SNX30: variants seen among roughly 807,000 people sequenced by gnomAD.
The protein encoded by SNX30 is sorting nexin family member 30.
In SNX30, 24 loss-of-function variants were observed where a neutral mutation model predicts 46.4. The observed-to-expected ratio is 0.52, with a 90% CI of 0.37 to 0.73. SNX30 has a LOEUF of 0.73. Among genes scored for constraint, SNX30 ranks in the 30% least tolerant of loss-of-function variants. The pLI is 0.00. For missense variants in SNX30, 533 were observed against 555.7 expected (o/e 0.96, Z 0.41); for synonymous variants, 189 against 211.5 (o/e 0.89, Z 0.92).
intron 3 of SNX30, 43 bp from the exon 4 acceptor site, chr9:112,830,682 C>T (rs757414370): frequency 6.4e-7 from 1 of 1,573,954 alleles, no homozygotes. Flanking sequence ...TTCCTTGCAC[C>T]ATCTCATCAA....
At chr9:112,755,678 A>T (rs1205244381) in intron 1 of SNX30, among the ~76,000 whole-genome samples, 1 of 151,712 alleles carries the variant, frequency 6.6e-6, no homozygotes, top group South Asian at 2.1e-4. Context: ...AGAGGAAAAT[A>T]AAAATCTACT....
At chr9:112,867,030 CCCACCTCCTCAGAATTCTTT>C (rs1179694682) in intron 8 of SNX30, among the ~76,000 whole-genome samples, 2 of 15,470 alleles carry the variant, frequency 1.3e-4, no homozygotes, top group Non-Finnish European at 2.8e-4. Context: ...CAGAATTCCT[CCCACCTCCTCAGAATTCTTT>C]CTCCCTCCTC....
chr9:112,863,297 T>C (rs551046659), intron 7 of SNX30, among the ~76,000 whole-genome samples: 1 of 152,324 alleles, frequency 6.6e-6, no homozygotes, highest in East Asian at 1.9e-4. Context: ...AGGCCTCACT[T>C]GTGGTTGGGA....
chr9:112,877,021 T>C (rs1841526508), downstream of SNX30: 1 of 151,872 alleles, frequency 6.6e-6, no homozygotes, highest in Admixed American at 6.5e-5. Context: ...GAATGGTGAT[T>C]CTTAAATGAG....
chr9:112,841,414 A>G (rs1840856346), intron 6 of SNX30, among the ~76,000 whole-genome samples: 1 of 152,196 alleles, frequency 6.6e-6, no homozygotes, highest in African/African-American at 2.4e-5. Flanking sequence ...TGTGGGGCAT[A>G]TGTATGGAGT....
intron 6 of SNX30, among the ~76,000 whole-genome samples, chr9:112,840,929 C>T (rs1840847050): frequency 6.6e-6 from 1 of 151,858 alleles, no homozygotes; most frequent in Non-Finnish European, 1.5e-5. Flanking sequence ...ACAGGTGCCC[C>T]CCACCACGCC....
chr9:112,817,360 G>A (rs1056900988), intron 2 of SNX30, among the ~76,000 whole-genome samples: 28 of 96,898 alleles, frequency 2.9e-4, no homozygotes, highest in Non-Finnish European at 5.2e-4. Context: ...GGGGATAGTT[G>A]AATTCTATTT....
At chr9:112,817,350 G>A (rs927060679) in intron 2 of SNX30, among the ~76,000 whole-genome samples, 2 of 141,960 alleles carry the variant, frequency 1.4e-5, no homozygotes, top group African/African-American at 5.3e-5. Flanking sequence ...AACAATTCTG[G>A]GGGATAGTTG....
intron 5 of SNX30, among the ~76,000 whole-genome samples, chr9:112,837,002 G>T (rs549438130): frequency 6.6e-6 from 1 of 152,194 alleles, no homozygotes; most frequent in Admixed American, 6.5e-5. Context: ...CATAATGTTG[G>T]GATCTTTTAT....
intron 2 of SNX30, among the ~76,000 whole-genome samples, chr9:112,817,073 A>C (rs1840408002): frequency 6.6e-6 from 1 of 152,190 alleles, no homozygotes; most frequent in Non-Finnish European, 1.5e-5. Flanking sequence ...AAAATATAAC[A>C]GTTCCAGGGT....
intron 8 of SNX30, among the ~76,000 whole-genome samples, chr9:112,865,623 CCATATATA>C (rs1841312850): frequency 2.2e-5 from 1 of 45,256 alleles, no homozygotes. Flanking sequence ...TCCTGTCACG[CCATATATA>C]TATATATATA....
In SNX30 at chr9:112,865,775, G is replaced by GTATGTA. The variant is rs748088016; in HGVS notation, c.1254+1379_1254+1380insGTATAT. Among the ~76,000 whole-genome samples the GTATGTA allele has an allele frequency of 2.1e-3, 296 of 143,798 alleles. 2 individuals carry two copies. Among genetic ancestry groups the GTATGTA allele is most frequent in the African/African-American group, 7.3e-3 (280 of 38,524 alleles). The allele number at this position is 143,798 out of a possible 152,430, so 94.3% of individuals were successfully genotyped here. ...TGTGTGTGTGTATGTATGTATGTAT[G>GTATGTA]TATATATATATATATATTGCGATAG... On this transcript the variant is annotated intron_variant, in intron 8 of 8. Coordinates refer to ENST00000374232, the MANE Select transcript of SNX30 (RefSeq NM_001012994.2).
chr9:112,846,361 G>A (rs987995939), intron 6 of SNX30, among the ~76,000 whole-genome samples: 3 of 152,136 alleles, frequency 2.0e-5, no homozygotes, highest in African/African-American at 4.8e-5. Context: ...TAAAATGAGG[G>A]GATAATGTGT....
intron 6 of SNX30, among the ~76,000 whole-genome samples, chr9:112,845,447 A>G (rs2131471273): frequency 6.6e-6 from 1 of 152,290 alleles, no homozygotes; most frequent in Non-Finnish European, 1.5e-5. Flanking sequence ...TCTGTTTAAG[A>G]ATTCTAGCTT....
In SNX30 at chr9:112,873,241, T is replaced by A. The variant is rs1213148292; in HGVS notation, c.*4398T>A. 2 of 152,120 alleles carry A rather than the reference T, an allele frequency of 1.3e-5. No homozygotes were observed. Among genetic ancestry groups the A allele is most frequent in the African/African-American group, 4.8e-5 (2 of 41,406 alleles). 9.4% of individuals were successfully genotyped at this position (152,120 alleles called of 1,614,324 possible). ...ACAGAGAGTCTGTAAATAAGTGCTT[T>A]AAAAAAATAACAAACCAATAAGATA... On this transcript the variant is annotated 3_prime_UTR_variant, in exon 9 of 9. Transcript: ENST00000374232.
chr9:112,784,721 C>G (rs571252256), intron 1 of SNX30, among the ~76,000 whole-genome samples: 76 of 152,312 alleles, frequency 5.0e-4, no homozygotes, highest in African/African-American at 1.7e-3. Flanking sequence ...AAGTGGTTTT[C>G]TTATGACCTC....
intron 3 of SNX30, among the ~76,000 whole-genome samples, chr9:112,822,536 G>GGTT (rs1554753727): frequency 1.6e-5 from 2 of 123,724 alleles, no homozygotes; most frequent in Non-Finnish European, 3.3e-5. Flanking sequence ...TTGCTGTTTT[G>GGTT]TTTTGTTTTT....
At chr9:112,782,813 T>C (rs927374567) in intron 1 of SNX30, among the ~76,000 whole-genome samples, 1 of 152,264 alleles carries the variant, frequency 6.6e-6, no homozygotes, top group Non-Finnish European at 1.5e-5. Context: ...TAACACTGAA[T>C]GTTCAAGTCA....
chr9:112,859,621 T>C (rs1349519640), intron 7 of SNX30, among the ~76,000 whole-genome samples: 1 of 152,214 alleles, frequency 6.6e-6, no homozygotes, highest in African/African-American at 2.4e-5. Context: ...AACGCTTATC[T>C]ATTTTTTTGA....
Sources: gnomAD v4.1 joint callset for allele counts (sites outside exome capture counted in the v4.1 genomes callset) on GRCh38, gnomAD v4.1.1 for gene constraint, MANE v1.5 for transcripts, NCBI Gene and HGNC (gene_info 2026-07-23, HGNC 2026-07-21) for gene names.